The following DTNB variants were observed in gnomAD, a reference collection of about 807,000 sequenced individuals.
DTNB encodes the protein DTN-B.
Under a neutral mutation model 90.7 loss-of-function variants are expected in DTNB, and 63 were observed. The ratio of observed to expected loss-of-function variants is 0.69; its 90% CI spans 0.57 to 0.86. The LOEUF (loss-of-function observed/expected upper bound fraction) is 0.86, where lower values mean the gene tolerates loss of function less well. DTNB is among the 40% of genes least tolerant of loss of function. The pLI is 0.00. For missense variants in DTNB, 744 were observed against 807.1 expected (o/e 0.92, Z 0.95); for synonymous variants, 277 against 286.7 (o/e 0.97, Z 0.34).
chr2:25,622,931 A>G (rs749304518), intron 4 of DTNB, among the ~76,000 whole-genome samples: 2 of 152,234 alleles, frequency 1.3e-5, no homozygotes, highest in Non-Finnish European at 2.9e-5. Flanking sequence ...TAAAGAAATA[A>G]CAGATGGAAT....
At chr2:25,649,783 TAAG>T (rs2080452462) in intron 2 of DTNB, 1 of 153,982 alleles carries the variant, frequency 6.5e-6, no homozygotes, top group African/African-American at 2.4e-5. Context: ...TTAAGACTAA[TAAG>T]AGTTGAGAAA....
At chr2:25,587,256 G>C (rs1410402233) in intron 6 of DTNB, among the ~76,000 whole-genome samples, 4 of 152,136 alleles carry the variant, frequency 2.6e-5, no homozygotes, top group Non-Finnish European at 4.4e-5. Flanking sequence ...GCAAAATGAT[G>C]ATTTAAACTC....
At chr2:25,581,100 T>G (rs1024605315) in intron 6 of DTNB, among the ~76,000 whole-genome samples, 1 of 152,186 alleles carries the variant, frequency 6.6e-6, no homozygotes, top group African/African-American at 2.4e-5. Context: ...ACTTTACAGA[T>G]AAGCAAATAA....
chr2:25,490,990 CA>C (rs1279540690), intron 9 of DTNB, among the ~76,000 whole-genome samples: 1 of 151,794 alleles, frequency 6.6e-6, no homozygotes, highest in Admixed American at 6.6e-5. Flanking sequence ...TACTTTCCAA[CA>C]CTTCTCCAAC....
chr2:25,517,873 TAGAA>T (rs1285124564), intron 9 of DTNB, among the ~76,000 whole-genome samples: 1 of 152,122 alleles, frequency 6.6e-6, no homozygotes, highest in Non-Finnish European at 1.5e-5. Flanking sequence ...CATTCAGCCT[TAGAA>T]AGGAAGGAAA....
At chr2:25,404,940 TTTC>T (rs1353073102) in intron 16 of DTNB, among the ~76,000 whole-genome samples, 2 of 152,094 alleles carry the variant, frequency 1.3e-5, no homozygotes. Context: ...ATTTTTTTTG[TTTC>T]TTATTTTTTG....
intron 6 of DTNB, among the ~76,000 whole-genome samples, chr2:25,581,129 A>T (rs970202313): frequency 1.3e-5 from 2 of 152,194 alleles, no homozygotes; most frequent in Admixed American, 6.5e-5. Flanking sequence ...AAAGTTTTGT[A>T]GTGGCCTGGC....
At chr2:25,673,103 G>A (rs1269855101) in intron 1 of DTNB, among the ~76,000 whole-genome samples, 4 of 151,672 alleles carry the variant, frequency 2.6e-5, no homozygotes, top group African/African-American at 9.7e-5. Context: ...GCTCGCGCCC[G>A]TGCCCCGGCG....
intron 9 of DTNB, among the ~76,000 whole-genome samples, chr2:25,511,085 A>G (rs2073841580): frequency 6.6e-6 from 1 of 152,192 alleles, no homozygotes; most frequent in African/African-American, 2.4e-5. Flanking sequence ...CCTACCTGAC[A>G]ACTTGGTAAA....
intron 10 of DTNB, among the ~76,000 whole-genome samples, chr2:25,459,519 A>G (rs2060596337): frequency 6.6e-6 from 1 of 151,932 alleles, no homozygotes; most frequent in South Asian, 2.1e-4. Context: ...CTTGAGATGG[A>G]GTCTCGCTCT....
chr2:25,432,214 C>G (rs1253664827), intron 14 of DTNB, among the ~76,000 whole-genome samples: 1 of 147,492 alleles, frequency 6.8e-6, no homozygotes, highest in Non-Finnish European at 1.5e-5. Flanking sequence ...CGTACACACA[C>G]ACACACACAC....
intron 12 of DTNB, 93 bp from the exon 13 acceptor site, chr2:25,434,088 C>T: frequency 8.3e-7 from 1 of 1,206,772 alleles, no homozygotes; most frequent in Non-Finnish European, 1.2e-6. Context: ...AGATTTTTGA[C>T]ATATAATTTA....
intron 3 of DTNB, among the ~76,000 whole-genome samples, chr2:25,629,378 C>T (rs1197968712): frequency 6.6e-6 from 1 of 152,158 alleles, no homozygotes; most frequent in Non-Finnish European, 1.5e-5. Flanking sequence ...ACAGAACAAG[C>T]AGCAAAAATA....
intron 4 of DTNB, among the ~76,000 whole-genome samples, chr2:25,608,815 T>C (rs1447593990): frequency 1.3e-5 from 2 of 152,212 alleles, no homozygotes; most frequent in Non-Finnish European, 2.9e-5. Flanking sequence ...CTCATCTTTC[T>C]CTGAAACTAG....
chr2:25,557,372 A>G (rs1027544197), intron 8 of DTNB, among the ~76,000 whole-genome samples: 9 of 152,166 alleles, frequency 5.9e-5, no homozygotes, highest in African/African-American at 1.9e-4. Flanking sequence ...TAGACAGCCC[A>G]TTGTATCGCT....
rs58871909 is a variant in DTNB, at chr2:25,503,053, C to CAA, written c.1002-20182_1002-20181dup. Among the ~76,000 whole-genome samples the CAA allele has an allele frequency of 5.2e-4, 8 of 15,358 alleles. 1 individual carries two copies. The highest frequency in any genetic ancestry group is 1.2e-3 in the Admixed American group (1 of 808). The allele number at this position is 15,358 out of a possible 152,430, so 10.1% of individuals were successfully genotyped here. A position where few individuals can be genotyped will look rare whatever the true frequency, so the allele number is the denominator to read the frequency against. ...AGAGTGACAGAGCAAGACCCTATCT[C>CAA]AAAAAAAAAAAAAAAAAAAAAAAAA... is the stretch of plus-strand genomic sequence containing the variant. On this transcript the variant is annotated intron_variant, in intron 9 of 20. Coordinates refer to ENST00000406818, the MANE Select transcript of DTNB (RefSeq NM_021907.5).
intron 8 of DTNB, among the ~76,000 whole-genome samples, chr2:25,548,616 C>G (rs2151083962): frequency 6.6e-6 from 1 of 152,096 alleles, no homozygotes; most frequent in Non-Finnish European, 1.5e-5. Context: ...GATGTGAGCG[C>G]AGTCAGCCTG....
chr2:25,560,856 T>C (rs2151193037), intron 8 of DTNB, among the ~76,000 whole-genome samples: 1 of 152,224 alleles, frequency 6.6e-6, no homozygotes, highest in East Asian at 1.9e-4. Flanking sequence ...TGTGAGAGGG[T>C]TTAGGACCCC....
At chr2:25,514,521 T>C (rs2074625627) in intron 9 of DTNB, among the ~76,000 whole-genome samples, 1 of 110,444 alleles carries the variant, frequency 9.1e-6, no homozygotes, top group African/African-American at 3.6e-5. Flanking sequence ...AAAAGACATG[T>C]GCTGGGTTAT....
Sources: allele counts gnomAD v4.1 joint callset (sites outside exome capture counted in the v4.1 genomes callset), GRCh38; gene constraint gnomAD v4.1.1; transcripts MANE v1.5; gene names NCBI Gene and HGNC (gene_info 2026-07-23, HGNC 2026-07-21).